GTF2A1L: variants seen among roughly 807,000 people sequenced by gnomAD.
GTF2A1L encodes the protein TFIIA-alpha and beta-like factor.
A neutral mutation model predicts 49.7 loss-of-function variants in GTF2A1L; 48 were observed. That is an observed-to-expected ratio of 0.97 (90% CI 0.77 to 1.23). GTF2A1L has a LOEUF of 1.23. Ranked by LOEUF, GTF2A1L falls within the 50% of genes most tolerant of loss-of-function variation. The pLI is 0.00. For missense variants in GTF2A1L, 736 were observed against 564.8 expected (o/e 1.30, Z -3.07); for synonymous variants, 246 against 193.5 (o/e 1.27, Z -2.25).
intron 6 of GTF2A1L, among the ~76,000 whole-genome samples, chr2:48,661,558 G>T (rs1572758774): frequency 2.0e-5 from 3 of 151,860 alleles, no homozygotes; most frequent in Non-Finnish European, 4.4e-5. Context: ...CTGGCCTGTT[G>T]CATATATCTG....
At chr2:48,669,420 G>C (rs918959078) in intron 6 of GTF2A1L, among the ~76,000 whole-genome samples, 1 of 151,932 alleles carries the variant, frequency 6.6e-6, no homozygotes, top group Admixed American at 6.6e-5. Context: ...ATCCTAATAG[G>C]TACTATATAA....
At chr2:48,650,043 C>T (rs565587508) in intron 6 of GTF2A1L, among the ~76,000 whole-genome samples, 104 of 152,260 alleles carry the variant, frequency 6.8e-4, no homozygotes, top group Non-Finnish European at 1.2e-3. Context: ...AGTACTTCTC[C>T]ACCTAATTTT....
intron 6 of GTF2A1L, among the ~76,000 whole-genome samples, chr2:48,663,481 C>T (rs906185360): frequency 3.3e-5 from 5 of 151,960 alleles, no homozygotes; most frequent in African/African-American, 1.2e-4. Flanking sequence ...AAACTTAATC[C>T]TTCAAATATG....
intron 6 of GTF2A1L, among the ~76,000 whole-genome samples, chr2:48,653,793 C>T (rs538579491): frequency 6.6e-6 from 1 of 151,958 alleles, no homozygotes; most frequent in East Asian, 1.9e-4. Context: ...ATTAGCTGGG[C>T]ATGGTGGCAC....
Position 48,669,443 on chromosome 2 carries a change from A to G in GTF2A1L, c.979-279A>G, listed in dbSNP as rs112407570. Among the ~76,000 whole-genome samples, 348 of 152,322 alleles carry G rather than the reference A, an allele frequency of 2.3e-3. 1 individual carries two copies. The highest frequency in any genetic ancestry group is 7.9e-3 in the African/African-American group (328 of 41,576). ...AGGTACTATATAAATTTAAGACGGT[A>G]TGTATAAAAACTGGTAAATATTACC... is the stretch of plus-strand genomic sequence containing the variant. On this transcript the variant is annotated intron_variant, in intron 6 of 8. Coordinates refer to ENST00000403751, the MANE Select transcript of GTF2A1L (RefSeq NM_006872.5).
In GTF2A1L at chr2:48,618,394, A is replaced by G. The variant is rs191747288; in HGVS notation, c.21+499A>G. On this transcript the variant is annotated intron_variant, in intron 1 of 8. Transcript: ENST00000403751. ...CTTAATGCTTAAGTGTACAACCTAC[A>G]TTACCCTCCTACCTCTAACGGACAC... Among the ~76,000 whole-genome samples, 669 of 152,268 alleles carry G rather than the reference A, an allele frequency of 4.4e-3. 18 individuals are homozygous for G. The highest frequency in any genetic ancestry group is 1.4e-3 in the Non-Finnish European group (96 of 68,022).
chr2:48,662,148 A>T (rs530302949), intron 6 of GTF2A1L, among the ~76,000 whole-genome samples: 1 of 152,328 alleles, frequency 6.6e-6, no homozygotes, highest in East Asian at 1.9e-4. Context: ...CACATACAAA[A>T]AGTTTACTCG....
chr2:48,620,156 A>AT (rs1675900876), intron 1 of GTF2A1L, among the ~76,000 whole-genome samples: 1 of 152,240 alleles, frequency 6.6e-6, no homozygotes, highest in African/African-American at 2.4e-5. Context: ...TAAAGAGGTA[A>AT]ATTGAAAACA....
At chr2:48,671,493 C>A in intron 7 of GTF2A1L, 98 bp from the exon 8 acceptor site, 1 of 1,269,486 alleles carries the variant, frequency 7.9e-7, no homozygotes, top group South Asian at 1.7e-5. Context: ...AATGAGCCAC[C>A]ACGCCGAGAC....
In GTF2A1L at chr2:48,669,991, G is replaced by T; in HGVS notation, c.1239+9G>T. 1.2e-6 allele frequency: 2 copies of T among 1,600,904 alleles called. No individual in the cohort carries two copies. The highest frequency in any genetic ancestry group is 1.7e-6 in the Non-Finnish European group (2 of 1,173,690). The stretch of plus-strand genomic sequence containing the variant: ...TAAACATTGTAGAAGAGGTGAGGAT[G>T]ACTTTTGAGCTGAGACTTCCTTTAT... On this transcript the variant is annotated intron_variant, in intron 7 of 8. Transcript: ENST00000403751.
intron 3 of GTF2A1L, among the ~76,000 whole-genome samples, chr2:48,621,671 A>AT (rs1676005679): frequency 6.6e-6 from 1 of 152,106 alleles, no homozygotes; most frequent in South Asian, 2.1e-4. Flanking sequence ...TCTTTCTCTT[A>AT]TTTTTTGTGT....
At chr2:48,657,474 G>A (rs1169405364) in intron 6 of GTF2A1L, among the ~76,000 whole-genome samples, 3 of 152,122 alleles carry the variant, frequency 2.0e-5, no homozygotes, top group Non-Finnish European at 2.9e-5. Context: ...CGGTTTATAT[G>A]TAACACATTT....
In GTF2A1L at chr2:48,629,125, C is replaced by T. The variant is rs1011972035; in HGVS notation, c.247+7835C>T. ...GCTTGGTGGTGCGTGCCTGTAATCC[C>T]AGCTGCTCAGGAGGCTGAGGCAGGA... is the stretch of plus-strand genomic sequence containing the variant. On this transcript the variant is annotated intron_variant, in intron 3 of 8. Transcript: ENST00000403751. 2.1e-5 allele frequency among the ~76,000 whole-genome samples: 3 copies of T among 142,668 alleles called. 1 individual carries two copies. Among genetic ancestry groups the T allele is most frequent in the Non-Finnish European group, 4.7e-5 (3 of 63,448 alleles). 93.6% of individuals were successfully genotyped at this position (142,668 alleles called of 152,430 possible).
intron 6 of GTF2A1L, among the ~76,000 whole-genome samples, chr2:48,669,435 A>C (rs577979242): frequency 1.4e-4 from 22 of 152,214 alleles, no homozygotes; most frequent in Admixed American, 7.9e-4. Flanking sequence ...ATATAAATTT[A>C]AGACGGTATG....
In GTF2A1L at chr2:48,629,453, G is replaced by A. The variant is rs546344243; in HGVS notation, c.247+8163G>A. ...GGGTTCCAGTCCACCTGGAGCATGG[G>A]CTGGAGTCATCTCAACAATGGCAAG... On this transcript the variant is annotated intron_variant, in intron 3 of 8. Transcript: ENST00000403751. Among the ~76,000 whole-genome samples, 4 of 144,292 alleles carry A rather than the reference G, an allele frequency of 2.8e-5. 1 individual carries two copies. The highest frequency in any genetic ancestry group is 1.4e-4 in the Admixed American group (2 of 14,266). 94.7% of individuals were successfully genotyped at this position (144,292 alleles called of 152,430 possible).
chr2:48,654,714 A>G (rs943215831), intron 6 of GTF2A1L, among the ~76,000 whole-genome samples: 1 of 152,054 alleles, frequency 6.6e-6, no homozygotes, highest in Non-Finnish European at 1.5e-5. Flanking sequence ...TGGATATTCA[A>G]TTGTTTTAGC....
intron 5 of GTF2A1L, among the ~76,000 whole-genome samples, chr2:48,645,805 C>T (rs1475726644): frequency 6.6e-6 from 1 of 152,142 alleles, no homozygotes; most frequent in Non-Finnish European, 1.5e-5. Flanking sequence ...CCGGCCACCA[C>T]GCCCGGCTAA....
intron 3 of GTF2A1L, among the ~76,000 whole-genome samples, chr2:48,627,133 T>G (rs762177478): frequency 6.9e-6 from 1 of 144,030 alleles, no homozygotes; most frequent in African/African-American, 2.5e-5. Context: ...AAATTCAATC[T>G]GTTGTGATAT....
rs776211099 is a variant in GTF2A1L at position 48,645,110 on chromosome 2, T to C, written c.381T>C (p.Thr127=). 1 of 1,605,528 alleles carries C rather than the reference T, an allele frequency of 6.2e-7. No individual in the cohort carries two copies. The highest frequency in any genetic ancestry group is 1.1e-5 in the South Asian group (1 of 88,722). Residue 127 remains threonine (T), a synonymous_variant, in exon 5 of 9, where the codon ACT becomes ACC. Transcript: ENST00000403751. ...TACCAGCAGGTGTGACACTACAGAC[T>C]GTATCTGGTGAGAGTATATTCTAAG... ...IHVPAGVTLQ[T]VSGHLYKVNV... is the part of the protein sequence containing the mutation.
Sources: allele counts gnomAD v4.1 joint callset (sites outside exome capture counted in the v4.1 genomes callset), GRCh38; gene constraint gnomAD v4.1.1; transcripts MANE v1.5; gene names NCBI Gene and HGNC (gene_info 2026-07-23, HGNC 2026-07-21).